Variants in SND1 observed in about 807,000 individuals in gnomAD.
SND1 encodes the protein staphylococcal nuclease domain-containing protein 1.
In SND1, 38 loss-of-function variants were observed where a neutral mutation model predicts 121.7. The observed-to-expected ratio is 0.31, with a 90% CI of 0.24 to 0.41. The LOEUF (loss-of-function observed/expected upper bound fraction) is 0.41. Among genes scored for constraint, SND1 ranks in the 10% least tolerant of loss-of-function variants. The pLI is 1.00. For synonymous variants in SND1, 401 were observed against 447.4 expected, an observed-to-expected ratio of 0.90 and a Z score of 1.31; for missense variants, 868 against 1,184.6, an observed-to-expected ratio of 0.73 and a Z score of 3.92.
intron 10 of SND1, among the ~76,000 whole-genome samples, chr7:127,776,910 A>G (rs556712810): frequency 1.2e-4 from 19 of 152,344 alleles, no homozygotes; most frequent in African/African-American, 4.3e-4. Context: ...GGGACCAATT[A>G]GTTTTAAGAA....
At chr7:127,971,854 C>T (rs1409791432) in intron 15 of SND1, among the ~76,000 whole-genome samples, 2 of 150,690 alleles carry the variant, frequency 1.3e-5, no homozygotes, top group East Asian at 3.9e-4. Context: ...CTCACTGCAA[C>T]CTCTGCCTCC....
At position 127,828,231 on chromosome 7, in the gene SND1, A is replaced by G. The variant is rs554908490; in HGVS notation, c.1243-16093A>G. ...AGGCTGGTCTCAAGCTCCTGACCTCAGGTGATCTGCCTGCCTCAGCCTCCC... is the reference window on the plus strand; with the variant it reads ...AGGCTGGTCTCAAGCTCCTGACCTCGGGTGATCTGCCTGCCTCAGCCTCCC... On this transcript the variant is annotated intron_variant, in intron 11 of 23. Transcript: ENST00000354725. 2.0e-5 allele frequency among the ~76,000 whole-genome samples: 3 copies of G among 152,202 alleles called. No individual in the cohort carries two copies. The South Asian group carries it at 6.2e-4, about 32-fold the overall frequency.
chr7:127,754,562 G>T (rs1797160027), intron 10 of SND1, among the ~76,000 whole-genome samples: 1 of 152,190 alleles, frequency 6.6e-6, no homozygotes, highest in Non-Finnish European at 1.5e-5. Flanking sequence ...ACAGTGGAGG[G>T]AAAGAGAGAT....
intron 16 of SND1, among the ~76,000 whole-genome samples, chr7:128,057,191 A>G (rs1793156984): frequency 6.6e-6 from 1 of 152,326 alleles, no homozygotes; most frequent in Middle Eastern, 3.4e-3. Context: ...AACCGCAGAT[A>G]AGGGGGACTC....
chr7:128,022,670 C>T (rs1011360089), intron 16 of SND1, among the ~76,000 whole-genome samples: 3 of 152,000 alleles, frequency 2.0e-5, no homozygotes, highest in Admixed American at 6.5e-5. Flanking sequence ...GGACAAATAC[C>T]GAGTTGCTCC....
intron 12 of SND1, among the ~76,000 whole-genome samples, chr7:127,847,103 A>G (rs1799079074): frequency 6.6e-6 from 1 of 152,106 alleles, no homozygotes; most frequent in Non-Finnish European, 1.5e-5. Flanking sequence ...CCTCGTCTCT[A>G]CTAAAAATAC....
At chr7:127,817,048 C>G (rs1176355997) in intron 11 of SND1, among the ~76,000 whole-genome samples, 2 of 152,100 alleles carry the variant, frequency 1.3e-5, no homozygotes, top group African/African-American at 4.8e-5. Flanking sequence ...TTTTATAGTA[C>G]TAATATTTTA....
chr7:128,089,808 G>A, intron 22 of SND1, 116 bp downstream of exon 22: 4 of 946,324 alleles, frequency 4.2e-6, no homozygotes, highest in East Asian at 2.6e-5. Flanking sequence ...TCCTGCTGAG[G>A]AAAGATAATG....
intron 16 of SND1, among the ~76,000 whole-genome samples, chr7:128,034,245 GAAGT>G (rs1792707278): frequency 1.3e-5 from 2 of 152,190 alleles, no homozygotes; most frequent in Non-Finnish European, 2.9e-5. Context: ...ATGTGTCAGA[GAAGT>G]AAGATGAAGG....
At chr7:127,798,468 A>T (rs1798066402) in intron 10 of SND1, among the ~76,000 whole-genome samples, 2 of 152,138 alleles carry the variant, frequency 1.3e-5, no homozygotes, top group African/African-American at 4.8e-5. Context: ...GGAACTAAGG[A>T]ATATTTGGAA....
rs769675169 is a variant in SND1, at chr7:128,052,771, G to A, written c.1780-21731G>A. Among the ~76,000 whole-genome samples, 2 of 152,180 alleles carry A rather than the reference G, an allele frequency of 1.3e-5. No individual in the cohort carries two copies. The highest frequency in any genetic ancestry group is 2.9e-5 in the Non-Finnish European group (2 of 68,032). On this transcript the variant is annotated intron_variant, in intron 16 of 23. Transcript: ENST00000354725. The surrounding 1 kb of genome is among the most constrained non-coding windows in gnomAD (Gnocchi z 4.6). ...CAGTCTTGTGTCCCACCCTACTTTT[G>A]TGCCCTGAAAATCATTCCCTCGGAT...
At chr7:127,765,248 G>T (rs890990808) in intron 10 of SND1, among the ~76,000 whole-genome samples, 4 of 152,140 alleles carry the variant, frequency 2.6e-5, no homozygotes, top group African/African-American at 9.7e-5. Context: ...CCAGAATCTT[G>T]CAGATTTTCA....
intron 9 of SND1, chr7:127,718,648 C>G: frequency 1.0e-6 from 1 of 985,328 alleles, no homozygotes; most frequent in African/African-American, 1.7e-5. Context: ...ATTTACAGCT[C>G]TAAGAATTCA....
chr7:128,086,522 G>A (rs1217775160), intron 20 of SND1: 2 of 281,114 alleles, frequency 7.1e-6, no homozygotes, highest in South Asian at 3.3e-5. Context: ...CCACAGGCAG[G>A]CCCGGTGACC....
At chr7:127,902,319 G>A (rs959919348) in intron 13 of SND1, among the ~76,000 whole-genome samples, 1 of 152,194 alleles carries the variant, frequency 6.6e-6, no homozygotes, top group Non-Finnish European at 1.5e-5. Context: ...GGCATTTAGT[G>A]CCCCATAGGA....
At chr7:127,760,457 T>C (rs1419324045) in intron 10 of SND1, among the ~76,000 whole-genome samples, 1 of 152,210 alleles carries the variant, frequency 6.6e-6, no homozygotes, top group East Asian at 1.9e-4. Flanking sequence ...ATTACTGTCT[T>C]TTTGTTTGCT....
chr7:127,798,564 T>G (rs886670129), intron 10 of SND1, among the ~76,000 whole-genome samples: 10 of 152,218 alleles, frequency 6.6e-5, no homozygotes, highest in African/African-American at 2.2e-4. Flanking sequence ...CCCATTTTTA[T>G]TAACCTACTT....
intron 12 of SND1, among the ~76,000 whole-genome samples, chr7:127,855,192 C>T (rs967745588): frequency 1.1e-4 from 16 of 152,056 alleles, no homozygotes; most frequent in African/African-American, 3.9e-4. Flanking sequence ...AATCATGGCT[C>T]ACTGCAGCCT....
chr7:127,957,848 G>C (rs141039106), intron 15 of SND1, among the ~76,000 whole-genome samples: 1 of 152,046 alleles, frequency 6.6e-6, no homozygotes, highest in South Asian at 2.1e-4. Context: ...TTACAGGCGC[G>C]AGCCACCACA....
Sources: gnomAD v4.1 joint callset for allele counts (sites outside exome capture counted in the v4.1 genomes callset) on GRCh38, gnomAD v4.1.1 for gene constraint, Gnocchi (gnomAD v3.1) non-coding constraint, MANE v1.5 for transcripts, NCBI Gene and HGNC (gene_info 2026-07-23, HGNC 2026-07-21) for gene names.